GNG4: variants seen among roughly 807,000 people sequenced by gnomAD.
The protein encoded by GNG4 is guanine nucleotide-binding protein G(I)/G(S)/G(O) subunit gamma-4.
GNG4 carries 4 observed loss-of-function variants against 5.8 expected under a neutral mutation model. The observed-to-expected ratio is 0.69, with a 90% CI of 0.34 to 1.57. GNG4 has a LOEUF of 1.57. Ranked by LOEUF, GNG4 falls within the 40% of genes most tolerant of loss-of-function variation. The pLI, the probability that GNG4 is intolerant of heterozygous loss-of-function variation, is 0.06. For synonymous variants in GNG4, 29 were observed against 32.9 expected, an observed-to-expected ratio of 0.88 and a Z score of 0.41; for missense variants, 96 against 95.1, an observed-to-expected ratio of 1.01 and a Z score of -0.04.
intron 1 of GNG4, among the ~76,000 whole-genome samples, chr1:235,624,532 A>C (rs904143514): frequency 6.6e-6 from 1 of 152,220 alleles, no homozygotes; most frequent in African/African-American, 2.4e-5. Flanking sequence ...ACTGAAGAAA[A>C]GACAAAAGCT....
intron 3 of GNG4, among the ~76,000 whole-genome samples, chr1:235,562,659 G>GAAAAAAAAAAAAAAAA (rs1318706984): frequency 1.4e-4 from 7 of 51,144 alleles, no homozygotes; most frequent in Admixed American, 2.3e-4. Flanking sequence ...AAAAAAAAAA[G>GAAAAAAAAAAAAAAAA]AAAAAAAAAA....
intron 1 of GNG4, among the ~76,000 whole-genome samples, chr1:235,613,002 A>C (rs1183551895): frequency 6.6e-6 from 1 of 152,012 alleles, no homozygotes; most frequent in African/African-American, 2.4e-5. Flanking sequence ...CTTCTTTTAT[A>C]AGGGCACAAG....
At chr1:235,599,330 T>G (rs1688200186) in intron 1 of GNG4, among the ~76,000 whole-genome samples, 2 of 151,768 alleles carry the variant, frequency 1.3e-5, no homozygotes, top group South Asian at 4.2e-4. Context: ...GTTTTTTTTT[T>G]TTTTGAGACA....
chr1:235,586,281 G>A (rs931541299), intron 2 of GNG4, among the ~76,000 whole-genome samples: 4 of 152,076 alleles, frequency 2.6e-5, no homozygotes, highest in African/African-American at 4.8e-5. Context: ...CTGTGCACGC[G>A]TTCCTGCACA....
chr1:235,611,486 C>T (rs1214817044), intron 1 of GNG4, among the ~76,000 whole-genome samples: 3 of 152,100 alleles, frequency 2.0e-5, no homozygotes, highest in Admixed American at 6.6e-5. Context: ...GACCGAGATT[C>T]TTGAATATGT....
intron 1 of GNG4, among the ~76,000 whole-genome samples, chr1:235,646,863 C>G (rs1657524533): frequency 6.6e-6 from 1 of 152,206 alleles, no homozygotes; most frequent in African/African-American, 2.4e-5. Flanking sequence ...CCATTGTTTT[C>G]TCTGCAGTAA....
intron 1 of GNG4, among the ~76,000 whole-genome samples, chr1:235,612,091 A>T (rs370952287): frequency 5.1e-5 from 5 of 98,820 alleles, no homozygotes; most frequent in East Asian, 2.4e-4. Context: ...AAAAAAAAAA[A>T]GAGGAGAAAG....
At chr1:235,574,107 A>C (rs936738772) in intron 3 of GNG4, among the ~76,000 whole-genome samples, 1 of 152,188 alleles carries the variant, frequency 6.6e-6, no homozygotes, top group Non-Finnish European at 1.5e-5. Flanking sequence ...AAAAATAAAC[A>C]AGTACCTAAT....
intron 3 of GNG4, among the ~76,000 whole-genome samples, chr1:235,570,876 G>GTGTGTGTT (rs1687320023): frequency 6.8e-6 from 1 of 147,014 alleles, no homozygotes; most frequent in Non-Finnish European, 1.5e-5. Flanking sequence ...GTGTGTGTGT[G>GTGTGTGTT]TGTGTATATG....
At chr1:235,607,877 T>C (rs2102966716) in intron 1 of GNG4, among the ~76,000 whole-genome samples, 1 of 151,962 alleles carries the variant, frequency 6.6e-6, no homozygotes, top group African/African-American at 2.4e-5. Context: ...ACTTTGAGGC[T>C]GTCCAAGAAA....
At chr1:235,604,921 A>G (rs1365442704) in intron 1 of GNG4, among the ~76,000 whole-genome samples, 1 of 152,140 alleles carries the variant, frequency 6.6e-6, no homozygotes, top group East Asian at 1.9e-4. Flanking sequence ...ATGGCGTTTC[A>G]TGGCTGTGGG....
At chr1:235,563,619 G>A (rs945652333) in intron 3 of GNG4, among the ~76,000 whole-genome samples, 5 of 152,090 alleles carry the variant, frequency 3.3e-5, no homozygotes, top group Admixed American at 1.3e-4. Context: ...ATGAGTCCTC[G>A]TGTGGGGAAA....
chr1:235,596,968 A>G (rs1203077000), intron 1 of GNG4, among the ~76,000 whole-genome samples: 1 of 152,004 alleles, frequency 6.6e-6, no homozygotes, highest in African/African-American at 2.4e-5. Flanking sequence ...TCCTAGGCTC[A>G]AGGGATCCTC....
chr1:235,600,430 GTGTGTGTGTATA>G (rs1688233941), intron 1 of GNG4, among the ~76,000 whole-genome samples: 2 of 102,602 alleles, frequency 1.9e-5, no homozygotes, highest in African/African-American at 8.2e-5. Flanking sequence ...GTGTGTGTGT[GTGTGTGTGTATA>G]TGTGTGTGTG....
At chr1:235,580,482 CA>C in intron 3 of GNG4, among the ~76,000 whole-genome samples, 1 of 152,276 alleles carries the variant, frequency 6.6e-6, no homozygotes, top group South Asian at 2.1e-4. Flanking sequence ...AAGAAAAAAA[CA>C]AAAACCACCC....
intron 2 of GNG4, among the ~76,000 whole-genome samples, chr1:235,590,825 T>C (rs1001538682): frequency 1.3e-4 from 20 of 152,234 alleles, no homozygotes; most frequent in Non-Finnish European, 2.4e-4. Flanking sequence ...GAGCCACTTC[T>C]ACTTCGTGAT....
intron 2 of GNG4, among the ~76,000 whole-genome samples, chr1:235,587,775 TG>T (rs1048782295): frequency 2.3e-5 from 2 of 86,916 alleles, no homozygotes; most frequent in East Asian, 1.8e-3. Context: ...GAGTGTGGGG[TG>T]GGGGTGTGTG....
At chr1:235,593,332 C>T (rs996562155) in intron 2 of GNG4, among the ~76,000 whole-genome samples, 35 of 152,192 alleles carry the variant, frequency 2.3e-4, no homozygotes, top group African/African-American at 8.0e-4. Context: ...CAATGCAAGG[C>T]GGTTCCATCC....
chr1:235,568,038 C>T (rs756911058), intron 3 of GNG4, among the ~76,000 whole-genome samples: 1 of 152,198 alleles, frequency 6.6e-6, no homozygotes, highest in Non-Finnish European at 1.5e-5. Context: ...ACTGCACGAA[C>T]CCCCTCCAGC....
Sources: gnomAD v4.1 joint callset for allele counts (sites outside exome capture counted in the v4.1 genomes callset) on GRCh38, gnomAD v4.1.1 for gene constraint, MANE v1.5 for transcripts, NCBI Gene and HGNC (gene_info 2026-07-23, HGNC 2026-07-21) for gene names.